The following SIPA1L3 variants were observed in gnomAD, a reference collection of about 807,000 sequenced individuals.
SIPA1L3 encodes signal-induced proliferation-associated 1-like protein 3.
In SIPA1L3, 59 loss-of-function variants were observed where a neutral mutation model predicts 150.1. That is an observed-to-expected ratio of 0.39 (90% CI 0.32 to 0.49). SIPA1L3 has a LOEUF of 0.49. Among genes scored for constraint, SIPA1L3 ranks in the 20% least tolerant of loss-of-function variants. The probability of loss-of-function intolerance (pLI) is 0.86; values close to 1 mark genes in which losing one functional copy is unlikely to be tolerated. For synonymous variants in SIPA1L3, 1,070 were observed against 1,077.6 expected (o/e 0.99, Z 0.14); for missense variants, 2,211 against 2,489.5 (o/e 0.89, Z 2.38).
Position 38,119,407 on chromosome 19 carries a change from C to T in SIPA1L3, c.2393C>T (p.Ala798Val), listed in dbSNP as rs374947247. Residue 798 changes from alanine to valine, a missense_variant, in exon 9 of 22, where the codon GCC becomes GTC. Physicochemically the swap from Ala to Val is moderately conservative, Grantham distance 64. Around this residue, in one of 5 missense-constraint regions of SIPA1L3, gnomAD observed 625 missense variants for 804.2 expected, o/e 0.78. Coordinates refer to ENST00000222345, the MANE Select transcript of SIPA1L3 (RefSeq NM_015073.3). ...GACGTCTTCAGAGACTTCTTGCTGG[C>T]CAAGGTGATTAACGCTGAGAACGCC... ...KSDVFRDFLL[A>V]KVINAENAAH... The T allele has an allele frequency of 2.0e-4, 330 of 1,614,070 alleles. No homozygotes were observed. The highest frequency in any genetic ancestry group is 2.7e-4 in the Non-Finnish European group (320 of 1,180,048).
chr19:38,050,885 C>A (rs1220522888), intron 2 of SIPA1L3, among the ~76,000 whole-genome samples: 1 of 152,008 alleles, frequency 6.6e-6, no homozygotes, highest in Non-Finnish European at 1.5e-5. Flanking sequence ...ATGGCGAAAC[C>A]CCATCTCTAC....
intron 1 of SIPA1L3, among the ~76,000 whole-genome samples, chr19:37,984,932 C>T (rs1393111487): frequency 6.6e-6 from 1 of 152,194 alleles, no homozygotes; most frequent in Non-Finnish European, 1.5e-5. Flanking sequence ...ATTTCTGGGG[C>T]CTCTTGTCTG....
At position 38,127,810 on chromosome 19, in the gene SIPA1L3, G is replaced by C. The variant is rs1202207375; in HGVS notation, c.2869-2688G>C. 2.0e-5 allele frequency among the ~76,000 whole-genome samples: 3 copies of C among 152,076 alleles called. No individual in the cohort carries two copies. In the East Asian group the frequency reaches 5.8e-4, roughly 29 times the overall value. On this transcript the variant is annotated intron_variant, in intron 9 of 21. Transcript: ENST00000222345. Reference sequence around the variant, plus strand: ...AGGTGTGAGGCACTGCACTCAGCCCGAGTTGCAACAGTGTTAAAGGTTAGA... The same window carrying C: ...AGGTGTGAGGCACTGCACTCAGCCCCAGTTGCAACAGTGTTAAAGGTTAGA...
intron 2 of SIPA1L3, among the ~76,000 whole-genome samples, chr19:38,072,243 C>T (rs565575675): frequency 4.6e-5 from 7 of 152,306 alleles, no homozygotes; most frequent in East Asian, 1.9e-4. Context: ...TAATGATACC[C>T]ACCTCATGGG....
chr19:38,144,333 C>T (rs10408909), intron 12 of SIPA1L3, among the ~76,000 whole-genome samples: 1,680 of 152,302 alleles, frequency 0.011, 31 homozygotes, highest in African/African-American at 0.038. Flanking sequence ...GTACACAGTC[C>T]GACACATGGC....
At chr19:38,029,229 A>T (rs994291514) in intron 2 of SIPA1L3, 73 bp downstream of exon 2, 1 of 152,104 alleles carries the variant, frequency 6.6e-6, no homozygotes, top group African/African-American at 2.4e-5. Context: ...TTAAAATTTT[A>T]AAAAAAGAGT....
At chr19:38,198,252 C>A in intron 18 of SIPA1L3, 137 bp from the exon 19 acceptor site, 1 of 1,016,592 alleles carries the variant, frequency 9.8e-7, no homozygotes, top group Non-Finnish European at 1.4e-6. Flanking sequence ...TAGGCTCCAG[C>A]ACTCCCAGAC....
intron 21 of SIPA1L3, among the ~76,000 whole-genome samples, chr19:38,204,714 C>T (rs944713372): frequency 2.0e-5 from 3 of 151,782 alleles, no homozygotes; most frequent in Non-Finnish European, 2.9e-5. Flanking sequence ...TGCAGTGAGC[C>T]GAGATCATGC....
chr19:38,033,941 A>G (rs1968718740), intron 2 of SIPA1L3, among the ~76,000 whole-genome samples: 1 of 152,182 alleles, frequency 6.6e-6, no homozygotes, highest in Non-Finnish European at 1.5e-5. Context: ...TTTCAGGAAC[A>G]GAAACCCCCG....
At chr19:37,979,314 C>T (rs996121642) in intron 1 of SIPA1L3, among the ~76,000 whole-genome samples, 2 of 151,764 alleles carry the variant, frequency 1.3e-5, no homozygotes, top group Admixed American at 6.6e-5. Flanking sequence ...TTTGGGAGGC[C>T]GAGGCAGGTG....
chr19:37,976,618 C>G (rs992297269), intron 1 of SIPA1L3, among the ~76,000 whole-genome samples: 9 of 152,048 alleles, frequency 5.9e-5, no homozygotes, highest in Non-Finnish European at 1.0e-4. Context: ...CAGCCCGCCT[C>G]CTGGGTGAGA....
chr19:38,142,357 G>A (rs1055672083), intron 11 of SIPA1L3, among the ~76,000 whole-genome samples: 1 of 152,126 alleles, frequency 6.6e-6, no homozygotes, highest in African/African-American at 2.4e-5. Flanking sequence ...GGAAGAGGGG[G>A]CCCAGGAGCA....
chr19:37,911,319 G>C (rs1481946359), intron 1 of SIPA1L3, among the ~76,000 whole-genome samples: 1 of 151,970 alleles, frequency 6.6e-6, no homozygotes, highest in African/African-American at 2.4e-5. Context: ...AAAAGGAGGG[G>C]GTAGGGATCA....
intron 1 of SIPA1L3, among the ~76,000 whole-genome samples, chr19:37,955,420 A>G (rs772916346): frequency 1.1e-4 from 17 of 151,276 alleles, no homozygotes; most frequent in Admixed American, 2.0e-4. Context: ...TATGCAATTC[A>G]GCTGTTTTTG....
chr19:38,082,555 C>G lies in SIPA1L3; in HGVS notation c.990C>G (p.Ala330=). 1 of 1,602,134 alleles carries G rather than the reference C, an allele frequency of 6.2e-7. No individual in the cohort carries two copies. The highest frequency in any genetic ancestry group is 1.1e-5 in the South Asian group (1 of 90,966). ...ACGAGGGCCGGAGCCCCCCGGAAGC[C>G]AGCAGGCCGTGGGTGTGTCAGAAGA... ...EADEGRSPPE[A]SRPWVCQKSF... The change falls in exon 3 of 22, where the codon GCC becomes GCG. Residue 330 remains alanine, a synonymous_variant. Coordinates refer to ENST00000222345, the MANE Select transcript of SIPA1L3 (RefSeq NM_015073.3).
chr19:38,066,999 G>A (rs940308678), intron 2 of SIPA1L3, among the ~76,000 whole-genome samples: 2 of 151,800 alleles, frequency 1.3e-5, no homozygotes, highest in Admixed American at 6.6e-5. Flanking sequence ...CAGTTTGGGA[G>A]GCCAAGATGG....
chr19:38,051,385 G>A (rs1443114369), intron 2 of SIPA1L3, among the ~76,000 whole-genome samples: 1 of 152,098 alleles, frequency 6.6e-6, no homozygotes, highest in African/African-American at 2.4e-5. Flanking sequence ...TTCTCAAGTA[G>A]TGCTGCAGTG....
chr19:38,130,712 G>A lies in SIPA1L3; in HGVS notation c.3083G>A (p.Arg1028His), dbSNP rs750644223. 2.9e-5 allele frequency: 46 copies of A among 1,614,006 alleles called. No individual in the cohort carries two copies. Among genetic ancestry groups the A allele is most frequent in the Non-Finnish European group, 3.3e-5 (39 of 1,179,948 alleles). The change falls in exon 10 of 22, where the codon CGC becomes CAC. Residue 1028 changes from arginine (R) to histidine (H), a missense_variant. By Grantham distance (29) the Arg-to-His change is conservative. This residue lies in a region of SIPA1L3 where 625 missense variants were observed against 804.2 expected (regional missense o/e 0.78). Coordinates refer to ENST00000222345, the MANE Select transcript of SIPA1L3 (RefSeq NM_015073.3). The stretch of plus-strand genomic sequence containing the variant: ...CACGACCAGATGATCGACCTGCTGC[G>A]CACCTCTGTCACTGTGAAGGTGGTC... ...LTHDQMIDLL[R>H]TSVTVKVVII...
intron 1 of SIPA1L3, among the ~76,000 whole-genome samples, chr19:37,950,102 A>T (rs1023036861): frequency 1.4e-5 from 2 of 142,162 alleles, no homozygotes; most frequent in East Asian, 4.5e-4. Flanking sequence ...AAAAAAAAAG[A>T]GTGTGACCAC....
Sources: gnomAD v4.1 joint callset for allele counts (sites outside exome capture counted in the v4.1 genomes callset) on GRCh38, gnomAD v4.1.1 for gene constraint, gnomAD v4.1.1 regional missense constraint, MANE v1.5 for transcripts, NCBI Gene and HGNC (gene_info 2026-07-23, HGNC 2026-07-21) for gene names.